The following AP3B2 variants were observed in gnomAD, a reference collection of about 807,000 sequenced individuals.
AP3B2 encodes the protein AP-3 complex subunit beta-2.
In AP3B2, 50 loss-of-function variants were observed where a neutral mutation model predicts 126.9. That is an observed-to-expected ratio of 0.39 (90% confidence interval 0.31 to 0.50). AP3B2 has a LOEUF of 0.50. AP3B2 is among the 20% of genes least tolerant of loss of function. The pLI is 0.79. For missense variants in AP3B2, 1,177 were observed against 1,426.4 expected, an observed-to-expected ratio of 0.83 and a Z score of 2.82; for synonymous variants, 541 against 565.0, an observed-to-expected ratio of 0.96 and a Z score of 0.60.
intron 1 of AP3B2, chr15:82,691,771 G>A: frequency 5.1e-6 from 8 of 1,566,840 alleles, no homozygotes; most frequent in Non-Finnish European, 6.1e-6. Flanking sequence ...CCCGGCTTTA[G>A]TATGGAGAGT....
intron 4 of AP3B2, among the ~76,000 whole-genome samples, chr15:82,683,706 T>C (rs2048381852): frequency 6.6e-6 from 1 of 152,224 alleles, no homozygotes; most frequent in African/African-American, 2.4e-5. Flanking sequence ...CAATTTACTT[T>C]GTCCAGATCC....
chr15:82,662,287 G>C (rs779041979), intron 23 of AP3B2, 35 bp from the exon 24 acceptor site: 9 of 1,505,754 alleles, frequency 6.0e-6, no homozygotes, highest in East Asian at 2.4e-5. Flanking sequence ...GGGAGAGGGA[G>C]GGCCACCATC....
At chr15:82,691,904 A>G in intron 1 of AP3B2, 1 of 1,271,204 alleles carries the variant, frequency 7.9e-7, no homozygotes, top group South Asian at 1.2e-5. Flanking sequence ...CAATTTATGC[A>G]GGGCATATTC....
chr15:82,709,730 G>A lies in AP3B2; in HGVS notation c.-24C>T, dbSNP rs777214836. Reference sequence around the variant, plus strand: ...ATGGGGCGGCCAGGGAGACTTCGCCGAGGAGGAGGTTGCGGGGCCGGAGGC... The same window carrying A: ...ATGGGGCGGCCAGGGAGACTTCGCCAAGGAGGAGGTTGCGGGGCCGGAGGC... On this transcript the variant is annotated 5_prime_UTR_variant, in exon 1 of 27. Coordinates refer to ENST00000535359, the MANE Select transcript of AP3B2 (RefSeq NM_001278512.2). 2 of 1,452,900 alleles carry A rather than the reference G, an allele frequency of 1.4e-6. No homozygotes were observed. Among genetic ancestry groups the A allele is most frequent in the South Asian group, 1.3e-5 (1 of 76,968 alleles). The allele number at this position is 1,452,900 out of a possible 1,614,324, so 90.0% of individuals were successfully genotyped here. A position where few individuals can be genotyped will look rare whatever the true frequency, so the allele number is the denominator to read the frequency against.
At chr15:82,699,369 G>C in intron 1 of AP3B2, 2 of 312,570 alleles carry the variant, frequency 6.4e-6, no homozygotes, top group Non-Finnish European at 1.2e-5. Context: ...AAGAGGTCAA[G>C]GTGGGACCTC....
At chr15:82,688,661 C>A (rs2048472751) in intron 4 of AP3B2, 75 bp downstream of exon 4, 1 of 1,375,374 alleles carries the variant, frequency 7.3e-7, no homozygotes, top group Non-Finnish European at 1.0e-6. Context: ...ATGCTCATGG[C>A]CTCTCCCCAG....
At chr15:82,690,234 T>A (rs1173175965) in intron 1 of AP3B2, among the ~76,000 whole-genome samples, 1 of 146,906 alleles carries the variant, frequency 6.8e-6, no homozygotes, top group Non-Finnish European at 1.5e-5. Context: ...TGTTGTACTT[T>A]TTTTTTTCAA....
intron 1 of AP3B2, among the ~76,000 whole-genome samples, chr15:82,704,055 G>C (rs1052392615): frequency 2.0e-5 from 3 of 152,102 alleles, no homozygotes; most frequent in Non-Finnish European, 4.4e-5. Context: ...TCTTAAAGAG[G>C]TGGCTGGAGC....
Position 82,677,317 on chromosome 15 carries a change from C to T in AP3B2, c.1445G>A (p.Gly482Glu), listed in dbSNP as rs2048260075. 1.2e-6 allele frequency: 2 copies of T among 1,613,798 alleles called. No individual in the cohort carries two copies. The highest frequency in any genetic ancestry group is 2.2e-5 in the South Asian group (2 of 91,044). The change falls in exon 13 of 27, where the codon GGA becomes GAA. Residue 482 changes from glycine (G) to glutamate (E), a missense_variant. This residue lies in a region of AP3B2 where 308 missense variants were observed against 452.4 expected (regional missense o/e 0.68). Coordinates refer to ENST00000535359, the MANE Select transcript of AP3B2 (RefSeq NM_001278512.2). ...KLLQMQPAQH[G>E]EIIKHLAKLT... ...CTTTGCCAAGTGTTTGATGATCTCT[C>T]CATGTTGTGCTGGCTGCATCTGTAG...
intron 4 of AP3B2, chr15:82,687,076 T>TA (rs1266567903): frequency 1.3e-5 from 2 of 152,178 alleles, no homozygotes; most frequent in East Asian, 1.9e-4. Context: ...GAGAATGGTT[T>TA]AAAAAACACC....
Position 82,662,674 on chromosome 15 carries a change from C to T in AP3B2, c.2833+20G>A, listed in dbSNP as rs1207603408. 2 of 1,594,826 alleles carry T rather than the reference C, an allele frequency of 1.3e-6. No individual in the cohort carries two copies. The highest frequency in any genetic ancestry group is 1.7e-6 in the Non-Finnish European group (2 of 1,169,468). ...CTGCCCAGGAGCCTCCTCCTCCACC[C>T]CATCCAAAGCCCTTCGCACCAATTT... is the stretch of plus-strand genomic sequence containing the variant. On this transcript the variant is annotated intron_variant, in intron 23 of 26. Transcript: ENST00000535359.
At position 82,680,702 on chromosome 15, in the gene AP3B2, GTCC is replaced by G; in HGVS notation, c.822_824del (p.Glu274del). 2 of 1,568,684 alleles carry G rather than the reference GTCC, an allele frequency of 1.3e-6. No individual in the cohort carries two copies. Among genetic ancestry groups the G allele is most frequent in the East Asian group, 2.3e-5 (1 of 44,430 alleles). On this transcript the variant is annotated inframe_deletion, in exon 8 of 27. Transcript: ENST00000535359. The surrounding 1 kb of genome is among the most constrained non-coding windows in gnomAD (Gnocchi z 6.1). ...CCTCAGACCCCGCGCCCTTGGCCTC[GTCC>G]TCCTCTGAGCCGTAGAAGGCTTTTT...
Position 82,681,399 on chromosome 15 carries a change from T to C in AP3B2, c.521+21A>G, listed in dbSNP as rs369577287. On this transcript the variant is annotated intron_variant, in intron 5 of 26. Transcript: ENST00000535359. This position sits in a 1 kb window ranked among gnomAD's most constrained non-coding sequence, Gnocchi z 4.0. ...TTAGGAACCAGCCTCCTGGGGAGCG[T>C]GGGACAGGGCTGGGGCATACCTGTA... 25 of 1,611,868 alleles carry C rather than the reference T, an allele frequency of 1.6e-5. No individual in the cohort carries two copies. The highest frequency in any genetic ancestry group is 2.1e-5 in the Non-Finnish European group (25 of 1,178,792).
intron 1 of AP3B2, among the ~76,000 whole-genome samples, chr15:82,691,072 G>A (rs183437602): frequency 6.6e-6 from 1 of 152,234 alleles, no homozygotes; most frequent in African/African-American, 2.4e-5. Flanking sequence ...ATAAACATAC[G>A]TGTGCATGTG....
intron 1 of AP3B2, chr15:82,692,388 TC>T (rs763070609): frequency 1.2e-4 from 59 of 474,246 alleles, no homozygotes; most frequent in Non-Finnish European, 2.0e-4. Context: ...CTCCCCGCAA[TC>T]CCCCCGCAGC....
intron 23 of AP3B2, 106 bp from the exon 24 acceptor site, chr15:82,662,358 G>T: frequency 2.3e-6 from 2 of 886,828 alleles, no homozygotes; most frequent in Non-Finnish European, 3.6e-6. Context: ...CAGCTGACCA[G>T]CCCTCTACAG....
rs60428596 is a variant in AP3B2 at position 82,665,376 on chromosome 15, AACACAC to A, written c.1971+75_1972-74del. On this transcript the variant is annotated intron_variant, in intron 16 of 26. Transcript: ENST00000535359. The surrounding 1 kb of genome is among the most constrained non-coding windows in gnomAD (Gnocchi z 4.4). Reference sequence around the variant, plus strand: ...GGGCTCCCTACTGTCTGCCCCCACCAACACACACACACACACACACACACACACACA... The same window carrying A: ...GGGCTCCCTACTGTCTGCCCCCACCAACACACACACACACACACACACACA... 0.013 allele frequency: 15,864 copies of A among 1,244,060 alleles called. 83 individuals are homozygous for A. The highest frequency in any genetic ancestry group is 0.041 in the East Asian group (1,593 of 39,210). The allele number at this position is 1,244,060 out of a possible 1,614,324, so 77.1% of individuals were successfully genotyped here.
intron 1 of AP3B2, among the ~76,000 whole-genome samples, chr15:82,698,666 G>A (rs540962459): frequency 1.3e-5 from 2 of 152,212 alleles, no homozygotes; most frequent in African/African-American, 4.8e-5. Context: ...ATCTTCTGAG[G>A]AGTCACCCTG....
intron 3 of AP3B2, 143 bp from the exon 4 acceptor site, chr15:82,688,974 T>A: frequency 1.0e-6 from 1 of 987,444 alleles, no homozygotes; most frequent in Non-Finnish European, 1.5e-6. Flanking sequence ...CCTGAGTGTA[T>A]CCGGGTCCTT....
Sources: allele counts gnomAD v4.1 joint callset (sites outside exome capture counted in the v4.1 genomes callset), GRCh38; gene constraint gnomAD v4.1.1; regional missense constraint gnomAD v4.1.1; non-coding constraint Gnocchi (gnomAD v3.1); transcripts MANE v1.5; gene names NCBI Gene and HGNC (gene_info 2026-07-23, HGNC 2026-07-21).